Variants in AGBL1 observed in about 807,000 individuals in gnomAD.
The protein encoded by AGBL1 is cytosolic carboxypeptidase 4.
In AGBL1, 130 loss-of-function variants were observed where a neutral mutation model predicts 118.9. That is an observed-to-expected ratio of 1.09 (90% CI 0.95 to 1.26). The LOEUF is 1.26. Ranked by LOEUF, AGBL1 falls within the 50% of genes most tolerant of loss-of-function variation. AGBL1 has a pLI of 0.00. For missense variants in AGBL1, 1,584 were observed against 1,298.1 expected (o/e 1.22, Z -3.38); for synonymous variants, 555 against 478.9 (o/e 1.16, Z -2.08).
intron 23 of AGBL1, among the ~76,000 whole-genome samples, chr15:86,987,419 C>T (rs1427714534): frequency 6.6e-6 from 1 of 152,114 alleles, no homozygotes; most frequent in African/African-American, 2.4e-5. Context: ...TTAGAATTTT[C>T]TGTATTCATG....
At chr15:86,229,333 CAT>C (rs1397164351) in intron 6 of AGBL1, among the ~76,000 whole-genome samples, 1 of 152,118 alleles carries the variant, frequency 6.6e-6, no homozygotes, top group Non-Finnish European at 1.5e-5. Flanking sequence ...GGGAAGCAAA[CAT>C]GTCCTTCTTC....
chr15:86,107,400 C>T (rs1354499290), intron 1 of AGBL1: 1 of 152,180 alleles, frequency 6.6e-6, no homozygotes, highest in Non-Finnish European at 1.5e-5. Flanking sequence ...AGTTATCTAG[C>T]TTCTTTAAAC....
intron 22 of AGBL1, among the ~76,000 whole-genome samples, chr15:86,739,848 A>C (rs1344997483): frequency 1.3e-5 from 2 of 152,200 alleles, no homozygotes; most frequent in African/African-American, 4.8e-5. Context: ...TGTGACACTA[A>C]GTTTATAAAG....
chr15:86,354,987 A>G (rs28488576), intron 17 of AGBL1, among the ~76,000 whole-genome samples: 1 of 152,086 alleles, frequency 6.6e-6, no homozygotes, highest in South Asian at 2.1e-4. Flanking sequence ...TGAGAGAGAC[A>G]CCTAGTTGAC....
rs932945403 is a variant in AGBL1 at position 86,143,855 on chromosome 15, C to T, written c.262+10C>T. The T allele has an allele frequency of 3.1e-6, 5 of 1,613,002 alleles. No homozygotes were observed. The highest frequency in any genetic ancestry group is 2.7e-5 in the African/African-American group (2 of 75,066). ...AAAGTTGGCCTAAGAGGTACTCGTA[C>T]TCCAAGACCTAAAGCTGACTGAAAA... On this transcript the variant is annotated intron_variant, in intron 3 of 22. Transcript: ENST00000614907.
chr15:86,922,731 C>T (rs1193991583), intron 23 of AGBL1, among the ~76,000 whole-genome samples: 4 of 152,190 alleles, frequency 2.6e-5, no homozygotes, highest in African/African-American at 9.7e-5. Flanking sequence ...TACTATTTTT[C>T]ATTCATTATA....
chr15:86,808,319 A>C (rs191146460), intron 22 of AGBL1, among the ~76,000 whole-genome samples: 5 of 152,276 alleles, frequency 3.3e-5, no homozygotes, highest in Admixed American at 3.3e-4. Flanking sequence ...ATTTGCACAA[A>C]CTTCAGAAAA....
chr15:86,131,574 C>A (rs780913134), intron 1 of AGBL1, among the ~76,000 whole-genome samples: 2 of 152,072 alleles, frequency 1.3e-5, no homozygotes, highest in African/African-American at 4.8e-5. Flanking sequence ...ATAATGATAT[C>A]TAAATTTTAG....
chr15:86,874,155 T>A (rs2079770263), intron 22 of AGBL1, among the ~76,000 whole-genome samples: 2 of 152,260 alleles, frequency 1.3e-5, no homozygotes, highest in Non-Finnish European at 1.5e-5. Flanking sequence ...TTTCCTATAA[T>A]ATCATGAAAA....
chr15:86,161,519 C>T (rs1306830924), intron 5 of AGBL1, among the ~76,000 whole-genome samples: 4 of 152,174 alleles, frequency 2.6e-5, no homozygotes, highest in East Asian at 1.9e-4. Context: ...CCACCACTGG[C>T]GTATCTTATA....
chr15:86,199,108 CTTT>C (rs1193753049), intron 5 of AGBL1, among the ~76,000 whole-genome samples: 1 of 152,044 alleles, frequency 6.6e-6, no homozygotes, highest in African/African-American at 2.4e-5. Context: ...GCTTTGTTTA[CTTT>C]TTATTTTTTT....
chr15:86,439,518 G>C (rs1163504946), intron 18 of AGBL1, among the ~76,000 whole-genome samples: 1 of 152,150 alleles, frequency 6.6e-6, no homozygotes, highest in Non-Finnish European at 1.5e-5. Context: ...CCAAGGCTTA[G>C]TATTTAATGT....
At chr15:86,375,045 A>G (rs1476257813) in intron 17 of AGBL1, among the ~76,000 whole-genome samples, 1 of 151,910 alleles carries the variant, frequency 6.6e-6, no homozygotes, top group African/African-American at 2.4e-5. Flanking sequence ...AATCTGTCAC[A>G]CTCCTTCTCT....
chr15:86,734,203 C>G lies in AGBL1; in HGVS notation c.3158+59767C>G, dbSNP rs2077563152. On this transcript the variant is annotated intron_variant, in intron 22 of 22. Coordinates refer to ENST00000614907, the MANE Select transcript of AGBL1 (RefSeq NM_001386094.1). ...GTTCTTAAATGTTATGAAAGTTGTTCAAGGTCACATTGTGACCTAGAAGTA... is the reference window on the plus strand; with the variant it reads ...GTTCTTAAATGTTATGAAAGTTGTTGAAGGTCACATTGTGACCTAGAAGTA... 2.0e-5 allele frequency among the ~76,000 whole-genome samples: 3 copies of G among 152,138 alleles called. No individual in the cohort carries two copies. In the South Asian group the frequency reaches 6.2e-4, roughly 32 times the overall value.
chr15:86,311,128 T>C (rs10152333), intron 17 of AGBL1, among the ~76,000 whole-genome samples: 86,652 of 151,978 alleles, frequency 0.57, 25,328 homozygotes, highest in Admixed American at 0.64. Context: ...TTGCTTATTT[T>C]CCAAGTTGTG....
intron 22 of AGBL1, among the ~76,000 whole-genome samples, chr15:86,883,603 A>G (rs1596588932): frequency 6.6e-6 from 1 of 151,770 alleles, no homozygotes; most frequent in Admixed American, 6.6e-5. Context: ...ACCAAACTCT[A>G]CCGTAATTGA....
At chr15:86,572,586 A>T (rs752971238) in intron 21 of AGBL1, among the ~76,000 whole-genome samples, 8 of 152,162 alleles carry the variant, frequency 5.3e-5, no homozygotes, top group Non-Finnish European at 8.8e-5. Flanking sequence ...GAGCAGCAAC[A>T]TGGGGACAGG....
intron 5 of AGBL1, among the ~76,000 whole-genome samples, chr15:86,181,878 G>A (rs761657485): frequency 5.3e-5 from 8 of 151,936 alleles, no homozygotes; most frequent in South Asian, 2.1e-4. Context: ...CTATCTAGTC[G>A]AAAATATATT....
intron 22 of AGBL1, among the ~76,000 whole-genome samples, chr15:86,824,373 C>G (rs973363535): frequency 6.6e-6 from 1 of 152,008 alleles, no homozygotes; most frequent in Non-Finnish European, 1.5e-5. Flanking sequence ...CACATATACC[C>G]TTAACAAAAC....
Sources: allele counts gnomAD v4.1 joint callset (sites outside exome capture counted in the v4.1 genomes callset), GRCh38; gene constraint gnomAD v4.1.1; transcripts MANE v1.5; gene names NCBI Gene and HGNC (gene_info 2026-07-23, HGNC 2026-07-21).